NCEH1: variants seen among roughly 807,000 people sequenced by gnomAD.
The protein encoded by NCEH1 is neutral cholesterol ester hydrolase 1, also known as 2-acetyl MAGE hydrolase.
In NCEH1, 9 loss-of-function variants were observed where a neutral mutation model predicts 25.4. The ratio of observed to expected loss-of-function variants is 0.35; its 90% confidence interval spans 0.21 to 0.62. The LOEUF (loss-of-function observed/expected upper bound fraction) is 0.62, where lower values mean the gene tolerates loss of function less well. Among genes scored for constraint, NCEH1 ranks in the 20% least tolerant of loss-of-function variants. NCEH1 has a pLI of 0.72. For synonymous variants in NCEH1, 200 were observed against 199.8 expected (o/e 1.00, Z -0.01); for missense variants, 412 against 501.1 (o/e 0.82, Z 1.70).
rs529279009 is a variant in NCEH1, at chr3:172,633,486, G to C, written c.1216C>G (p.Gln406Glu). Residue 406 changes from glutamine to glutamate, a missense_variant, in exon 5 of 5, where the codon CAA becomes GAA. By Grantham distance (29) the Gln-to-Glu change is conservative. Around this residue, in one of 3 missense-constraint regions of NCEH1, gnomAD observed 210 missense variants for 258.2 expected, o/e 0.81. Transcript: ENST00000475381. ...GAAGTTTTGCTCCTTTACAGGTTTT[G>C]ATCTAGCCACTTGATGTAACTATTC... ...TRNSYIKWLD[Q>E]NL The C allele has an allele frequency of 1.2e-5, 20 of 1,613,580 alleles. No homozygotes were observed. The South Asian group carries it at 2.1e-4, about 17-fold the overall frequency.
At chr3:172,702,769 AGC>A in intron 1 of NCEH1, among the ~76,000 whole-genome samples, 1 of 152,304 alleles carries the variant, frequency 6.6e-6, no homozygotes, top group Middle Eastern at 3.4e-3. Context: ...GGATCACTTG[AGC>A]CCAGGAGTTT....
intron 1 of NCEH1, among the ~76,000 whole-genome samples, chr3:172,658,619 G>A (rs145009867): frequency 7.9e-5 from 12 of 152,196 alleles, no homozygotes; most frequent in African/African-American, 2.9e-4. Flanking sequence ...CAAATATCCA[G>A]GAATTTCATG....
chr3:172,673,500 A>C (rs1711767593), intron 1 of NCEH1, among the ~76,000 whole-genome samples: 1 of 152,234 alleles, frequency 6.6e-6, no homozygotes, highest in Non-Finnish European at 1.5e-5. Context: ...ACTGACTCCA[A>C]GTATGCTTTC....
At chr3:172,700,979 T>C (rs1431777338) in intron 1 of NCEH1, among the ~76,000 whole-genome samples, 1 of 152,178 alleles carries the variant, frequency 6.6e-6, no homozygotes, top group Non-Finnish European at 1.5e-5. Flanking sequence ...CTCTCAGGGA[T>C]AGCCTCTTTT....
At chr3:172,675,225 C>T (rs887986818) in intron 1 of NCEH1, among the ~76,000 whole-genome samples, 4 of 152,042 alleles carry the variant, frequency 2.6e-5, no homozygotes, top group South Asian at 2.1e-4. Flanking sequence ...ATTGCTTGAA[C>T]GTGGGAGGTG....
chr3:172,699,178 G>A (rs1431026170), intron 1 of NCEH1, among the ~76,000 whole-genome samples: 1 of 152,154 alleles, frequency 6.6e-6, no homozygotes, highest in African/African-American at 2.4e-5. Flanking sequence ...GATGATTTCT[G>A]AGTTGGTATT....
chr3:172,662,463 GGAT>G (rs1458763584), intron 1 of NCEH1, among the ~76,000 whole-genome samples: 1 of 152,166 alleles, frequency 6.6e-6, no homozygotes, highest in Non-Finnish European at 1.5e-5. Context: ...TTAGGTATCA[GGAT>G]GATGCTGGCC....
In NCEH1 at chr3:172,653,735, G is replaced by GTTTTTTTTTTTTTTTTTT. The variant is rs1553830302; in HGVS notation, c.139-5622_139-5621insAAAAAAAAAAAAAAAAAA. 1.8e-4 allele frequency among the ~76,000 whole-genome samples: 13 copies of GTTTTTTTTTTTTTTTTTT among 71,018 alleles called. 1 individual carries two copies. The highest frequency in any genetic ancestry group is 6.1e-4 in the African/African-American group (12 of 19,714). The allele number at this position is 71,018 out of a possible 152,430, so 46.6% of individuals were successfully genotyped here. A position where few individuals can be genotyped will look rare whatever the true frequency, so the allele number is the denominator to read the frequency against. On this transcript the variant is annotated intron_variant, in intron 1 of 4. Transcript: ENST00000475381. ...TTGTTTTTGTTGTTGTTGTTGTTCT[G>GTTTTTTTTTTTTTTTTTT]TTTTTTTTGTTTTTTTGTTTTTTTG...
intron 1 of NCEH1, among the ~76,000 whole-genome samples, chr3:172,674,746 TACACTGTGGCACCCACA>T (rs1237651918): frequency 6.6e-6 from 1 of 152,238 alleles, no homozygotes; most frequent in Non-Finnish European, 1.5e-5. Flanking sequence ...AATAGAACTA[TACACTGTGGCACCCACA>T]ATGTGGAATT....
At chr3:172,675,302 C>CAAATAAATAAATAAATAAATAAATAAAT (rs56201640) in intron 1 of NCEH1, among the ~76,000 whole-genome samples, 1 of 142,392 alleles carries the variant, frequency 7.0e-6, no homozygotes, top group African/African-American at 2.7e-5. Context: ...GATCCTGTCT[C>CAAATAAATAAATAAATAAATAAATAAAT]AAATAAATAA....
chr3:172,651,512 G>A (rs373606671), intron 1 of NCEH1, among the ~76,000 whole-genome samples: 7 of 152,058 alleles, frequency 4.6e-5, no homozygotes, highest in African/African-American at 1.4e-4. Context: ...CAAAGAAACG[G>A]GAGTTCCTTC....
intron 1 of NCEH1, among the ~76,000 whole-genome samples, chr3:172,670,851 T>C (rs1207830811): frequency 6.6e-6 from 1 of 152,222 alleles, no homozygotes; most frequent in Non-Finnish European, 1.5e-5. Context: ...TATGAAAATT[T>C]CATATTTAAA....
At chr3:172,666,516 C>CTTCT (rs1440599470) in intron 1 of NCEH1, among the ~76,000 whole-genome samples, 2 of 152,182 alleles carry the variant, frequency 1.3e-5, no homozygotes. Flanking sequence ...GAGCTGTTTT[C>CTTCT]TTCTTCCTTC....
chr3:172,649,023 C>T (rs777761652), intron 1 of NCEH1, among the ~76,000 whole-genome samples: 26 of 152,140 alleles, frequency 1.7e-4, no homozygotes, highest in Admixed American at 2.6e-4. Context: ...CATAAGATCA[C>T]GGAAACAATG....
At chr3:172,672,989 T>C (rs1003698571) in intron 1 of NCEH1, among the ~76,000 whole-genome samples, 1 of 152,058 alleles carries the variant, frequency 6.6e-6, no homozygotes, top group Non-Finnish European at 1.5e-5. Context: ...AAACCTCAGC[T>C]CCAGCAGCTC....
intron 1 of NCEH1, among the ~76,000 whole-genome samples, chr3:172,658,221 C>T (rs375609344): frequency 2.6e-5 from 4 of 152,248 alleles, no homozygotes; most frequent in South Asian, 4.1e-4. Flanking sequence ...CAAATGCCAC[C>T]GCAACATCAG....
intron 1 of NCEH1, among the ~76,000 whole-genome samples, chr3:172,684,620 T>C (rs1712597550): frequency 1.3e-5 from 2 of 152,152 alleles, no homozygotes; most frequent in South Asian, 4.2e-4. Flanking sequence ...CACCATCTAG[T>C]CTATGTGCAA....
intron 1 of NCEH1, among the ~76,000 whole-genome samples, chr3:172,663,685 T>C (rs899306222): frequency 6.6e-6 from 1 of 152,202 alleles, no homozygotes; most frequent in Non-Finnish European, 1.5e-5. Flanking sequence ...TTAGCACTTC[T>C]TGTTGAATTG....
intron 2 of NCEH1, 152 bp from the exon 3 acceptor site, chr3:172,645,844 G>A (rs1390258513): frequency 2.1e-6 from 1 of 483,766 alleles, no homozygotes; most frequent in Admixed American, 3.6e-5. Context: ...AGAGTTACAT[G>A]TACACATGAA....
Sources: gnomAD v4.1 joint callset for allele counts (sites outside exome capture counted in the v4.1 genomes callset) on GRCh38, gnomAD v4.1.1 for gene constraint, gnomAD v4.1.1 regional missense constraint, MANE v1.5 for transcripts, NCBI Gene and HGNC (gene_info 2026-07-23, HGNC 2026-07-21) for gene names.